JPT1: variants seen among roughly 807,000 people sequenced by gnomAD.
The protein encoded by JPT1 is androgen-regulated protein 2.
In JPT1, 5 loss-of-function variants were observed where a neutral mutation model predicts 17.0. The ratio of observed to expected loss-of-function variants is 0.29; its 90% confidence interval spans 0.15 to 0.62. The LOEUF (loss-of-function observed/expected upper bound fraction) is 0.62, where lower values mean the gene tolerates loss of function less well. Ranked by LOEUF, JPT1 falls within the 20% of genes least tolerant of loss-of-function variation. The probability of loss-of-function intolerance (pLI) is 0.85; values close to 1 mark genes in which losing one functional copy is unlikely to be tolerated. For missense variants in JPT1, 158 were observed against 188.1 expected, an observed-to-expected ratio of 0.84 and a Z score of 0.94; for synonymous variants, 71 against 73.6, an observed-to-expected ratio of 0.96 and a Z score of 0.18.
At position 75,151,708 on chromosome 17, in the gene JPT1, G is replaced by A. The variant is rs369502333; in HGVS notation, c.56+2634C>T. ...AATAAGGCAGGGCGCAGTGGCTCACGCCTGTAATCCCAGCACTTTGGGAGG... is the reference window on the plus strand; with the variant it reads ...AATAAGGCAGGGCGCAGTGGCTCACACCTGTAATCCCAGCACTTTGGGAGG... On this transcript the variant is annotated intron_variant, in intron 1 of 4. Coordinates refer to ENST00000409753, the MANE Select transcript of JPT1 (RefSeq NM_016185.4). 5.6e-4 allele frequency among the ~76,000 whole-genome samples: 85 copies of A among 152,152 alleles called. No homozygotes were observed. In the East Asian group the frequency reaches 0.012, roughly 21 times the overall value.
chr17:75,136,044 G>T lies in JPT1; in HGVS notation c.*58C>A. 6.2e-7 allele frequency: 1 copy of T among 1,614,056 alleles called. No individual in the cohort carries two copies. The highest frequency in any genetic ancestry group is 8.5e-7 in the Non-Finnish European group (1 of 1,179,980). On this transcript the variant is annotated 3_prime_UTR_variant, in exon 5 of 5. Transcript: ENST00000409753. Reference sequence around the variant, plus strand: ...AGAGATGTACAGTCAGGCTCAAGTTGTGCAGTTCACAAGCATGGAGGAAAC... The same window carrying T: ...AGAGATGTACAGTCAGGCTCAAGTTTTGCAGTTCACAAGCATGGAGGAAAC...
chr17:75,154,465 G>A lies in JPT1; in HGVS notation c.-68C>T. ...CAAAGGGTCGGACCCGAGGGGCGCT[G>A]GGAAACTCCACACCCAACAGCCGAC... On this transcript the variant is annotated 5_prime_UTR_variant, in exon 1 of 5. Coordinates refer to ENST00000409753, the MANE Select transcript of JPT1 (RefSeq NM_016185.4). 6.9e-7 allele frequency: 1 copy of A among 1,442,368 alleles called. No homozygotes were observed. The highest frequency in any genetic ancestry group is 9.4e-7 in the Non-Finnish European group (1 of 1,065,256). The allele number at this position is 1,442,368 out of a possible 1,614,324, so 89.3% of individuals were successfully genotyped here. A position where few individuals can be genotyped will look rare whatever the true frequency, so the allele number is the denominator to read the frequency against.
chr17:75,136,376 A>T, intron 4 of JPT1, 126 bp from the exon 5 acceptor site: 1 of 849,524 alleles, frequency 1.2e-6, no homozygotes, highest in East Asian at 2.7e-5. Flanking sequence ...AAGCATAAAC[A>T]AAATAATCAC....
At chr17:75,140,527 G>A (rs2074288043) in intron 4 of JPT1, among the ~76,000 whole-genome samples, 1 of 152,180 alleles carries the variant, frequency 6.6e-6, no homozygotes, top group Non-Finnish European at 1.5e-5. Context: ...GATTTCTCAA[G>A]ATGGAAACTC....
At chr17:75,149,433 T>C (rs2074502651) in intron 1 of JPT1, among the ~76,000 whole-genome samples, 1 of 152,154 alleles carries the variant, frequency 6.6e-6, no homozygotes, top group African/African-American at 2.4e-5. Context: ...AGTGGCGCGA[T>C]CTCAGCTCAC....
chr17:75,147,318 C>T (rs997247061), intron 3 of JPT1, among the ~76,000 whole-genome samples: 6 of 152,100 alleles, frequency 3.9e-5, no homozygotes, highest in Admixed American at 3.9e-4. Context: ...TCCACAAGTT[C>T]CAAAAATCAA....
chr17:75,142,731 G>C (rs1414920627), intron 4 of JPT1: 1 of 454,832 alleles, frequency 2.2e-6, no homozygotes, highest in African/African-American at 2.0e-5. Flanking sequence ...AAGGAAGGAA[G>C]CAAGAAGTGG....
intron 4 of JPT1, among the ~76,000 whole-genome samples, chr17:75,136,492 TTTTTG>T (rs201962690): frequency 8.5e-5 from 13 of 152,256 alleles, no homozygotes; most frequent in East Asian, 1.9e-4. Flanking sequence ...ATGAAGTTTT[TTTTTG>T]TTTTGTTTTG....
At position 75,147,635 on chromosome 17, in the gene JPT1, C is replaced by T. The variant is rs2145186942; in HGVS notation, c.218G>A (p.Gly73Asp). 6.2e-7 allele frequency: 1 copy of T among 1,613,360 alleles called. No individual in the cohort carries two copies. The highest frequency in any genetic ancestry group is 2.2e-5 in the East Asian group (1 of 44,880). Residue 73 changes from glycine to aspartate, a missense_variant, in exon 3 of 5, where the codon GGC (glycine) becomes GAC (aspartate). Physicochemically the swap from Gly to Asp is moderately conservative, Grantham distance 94 (BLOSUM62 -1). Coordinates refer to ENST00000409753, the MANE Select transcript of JPT1 (RefSeq NM_016185.4). Reference sequence around the variant, plus strand: ...TCCAGATGACTCCAAGTCTTCCCTGCCACCACTAGACTTGGCACCTAAAAA... The same window carrying T: ...TCCAGATGACTCCAAGTCTTCCCTGTCACCACTAGACTTGGCACCTAAAAA... ...AKSAGAKSSGGREDLESSGLQ... is the reference protein window; with the variant it reads ...AKSAGAKSSGDREDLESSGLQ...
intron 4 of JPT1, among the ~76,000 whole-genome samples, chr17:75,138,838 T>G (rs2074257001): frequency 6.6e-6 from 1 of 152,234 alleles, no homozygotes; most frequent in South Asian, 2.1e-4. Flanking sequence ...TTATTTATTT[T>G]TCATGCTTTG....
chr17:75,140,938 A>G (rs2074297100), intron 4 of JPT1: 1 of 152,246 alleles, frequency 6.6e-6, no homozygotes, highest in Non-Finnish European at 1.5e-5. Flanking sequence ...GAAAACACAA[A>G]AATTAGCTGG....
chr17:75,148,814 A>C, intron 1 of JPT1, 143 bp from the exon 2 acceptor site: 1 of 1,018,516 alleles, frequency 9.8e-7, no homozygotes, highest in Non-Finnish European at 1.4e-6. Context: ...AGGAAAAAAG[A>C]ATCAACTCCA....
At chr17:75,143,828 A>G (rs2074372562) in intron 4 of JPT1, among the ~76,000 whole-genome samples, 1 of 151,096 alleles carries the variant, frequency 6.6e-6, no homozygotes, top group Non-Finnish European at 1.5e-5. Flanking sequence ...AGAGAGTGAG[A>G]CTCCATCTCA....
chr17:75,142,620 G>GGGCA, intron 4 of JPT1: 3 of 105,406 alleles, frequency 2.8e-5, no homozygotes, highest in Middle Eastern at 3.0e-3. Context: ...GGAGAGAGGA[G>GGGCA]GGGAGGGAGG....
Position 75,154,402 on chromosome 17 carries a change from C to T in JPT1, c.-5G>A, listed in dbSNP as rs113977350. ...GAAGGTGGTGGTTGTGGTCATGGCG[C>T]CGAGGAGCGAGGTAGGCTGGCGCCG... On this transcript the variant is annotated 5_prime_UTR_variant, in exon 1 of 5. Coordinates refer to ENST00000409753, the MANE Select transcript of JPT1 (RefSeq NM_016185.4). The T allele has an allele frequency of 7.1e-6, 11 of 1,548,394 alleles. No individual in the cohort carries two copies. Among genetic ancestry groups the T allele is most frequent in the Non-Finnish European group, 9.6e-6 (11 of 1,145,762 alleles).
chr17:75,146,109 TACTG>T (rs1045792746), intron 4 of JPT1, among the ~76,000 whole-genome samples: 2 of 152,094 alleles, frequency 1.3e-5, no homozygotes, highest in African/African-American at 2.4e-5. Context: ...GTGTAACAAA[TACTG>T]ACCTGATTAA....
chr17:75,149,174 G>C (rs747618256), intron 1 of JPT1: 2 of 518,750 alleles, frequency 3.9e-6, no homozygotes. Context: ...AACATGGCAA[G>C]ACCCCGTGTC....
At chr17:75,152,286 G>C (rs559623246) in intron 1 of JPT1, among the ~76,000 whole-genome samples, 1 of 152,238 alleles carries the variant, frequency 6.6e-6, no homozygotes, top group Non-Finnish European at 1.5e-5. Context: ...ACTGTAAATA[G>C]CAATTTTTAA....
In JPT1 at chr17:75,135,962, A is replaced by AG; in HGVS notation, c.*139dup. Reference sequence around the variant, plus strand: ...GACAGAGAGAAACCTGTTCTTCAAAAGAAAAAAAAAAAAGACAGCAGTACA... The same window carrying AG: ...GACAGAGAGAAACCTGTTCTTCAAAAGGAAAAAAAAAAAAGACAGCAGTACA... On this transcript the variant is annotated 3_prime_UTR_variant, in exon 5 of 5. Coordinates refer to ENST00000409753, the MANE Select transcript of JPT1 (RefSeq NM_016185.4). 6.4e-7 allele frequency: 1 copy of AG among 1,550,464 alleles called. No individual in the cohort carries two copies. The highest frequency in any genetic ancestry group is 8.7e-7 in the Non-Finnish European group (1 of 1,146,976).
Sources: gnomAD v4.1 joint callset for allele counts (sites outside exome capture counted in the v4.1 genomes callset) on GRCh38, gnomAD v4.1.1 for gene constraint, MANE v1.5 for transcripts, NCBI Gene and HGNC (gene_info 2026-07-23, HGNC 2026-07-21) for gene names.